Variants in TP53BP1 observed in about 807,000 individuals in gnomAD.
TP53BP1 encodes TP53-binding protein 1.
Under a neutral mutation model 200.8 loss-of-function variants are expected in TP53BP1, and 61 were observed. That is an observed-to-expected ratio of 0.30 (90% CI 0.25 to 0.38). The LOEUF (loss-of-function observed/expected upper bound fraction) is 0.38, where lower values mean the gene tolerates loss of function less well. Among genes scored for constraint, TP53BP1 ranks in the 10% least tolerant of loss-of-function variants. The pLI, the probability that TP53BP1 is intolerant of heterozygous loss-of-function variation, is 1.00. For synonymous variants in TP53BP1, 822 were observed against 844.3 expected (o/e 0.97, Z 0.46); for missense variants, 2,144 against 2,371.9 (o/e 0.90, Z 2.00).
At chr15:43,419,563 T>G (rs1595530019) in intron 21 of TP53BP1, among the ~76,000 whole-genome samples, 2 of 108,720 alleles carry the variant, frequency 1.8e-5, no homozygotes, top group Non-Finnish European at 3.6e-5. Flanking sequence ...TTTTTTTTTT[T>G]TGAGAGACAG....
At chr15:43,439,142 T>C (rs2045870798) in intron 15 of TP53BP1, among the ~76,000 whole-genome samples, 1 of 152,182 alleles carries the variant, frequency 6.6e-6, no homozygotes, top group Non-Finnish European at 1.5e-5. Flanking sequence ...TATACTACTC[T>C]CTCTACTTTC....
intron 3 of TP53BP1, 123 bp downstream of exon 3, chr15:43,491,879 C>T (rs947819406): frequency 2.3e-5 from 24 of 1,061,334 alleles, no homozygotes; most frequent in South Asian, 1.6e-4. Context: ...GTGACTACTA[C>T]GCAGATACCA....
In TP53BP1 at chr15:43,405,548, A is replaced by T. The variant is rs1360323249; in HGVS notation, c.*1835T>A. ...TTCAAGCTGTGGGAGATACAGCGGTAAACAAACAATATAGAGCAGAAAGTT... is the reference window on the plus strand; with the variant it reads ...TTCAAGCTGTGGGAGATACAGCGGTTAACAAACAATATAGAGCAGAAAGTT... On this transcript the variant is annotated 3_prime_UTR_variant, in exon 28 of 28. Coordinates refer to ENST00000382044, the MANE Select transcript of TP53BP1 (RefSeq NM_001141980.3). The T allele has an allele frequency of 1.3e-5, 4 of 314,636 alleles. No individual in the cohort carries two copies. The highest frequency in any genetic ancestry group is 5.9e-6 in the Non-Finnish European group (1 of 170,574). 19.5% of individuals were successfully genotyped at this position (314,636 alleles called of 1,614,324 possible).
rs1350486449 is a variant in TP53BP1 at position 43,407,309 on chromosome 15, A to AAGAC, written c.*70_*73dup. ...CCATGCAAGGAATCCAGTTACACAC[A>AAGAC]AGACACATTTAAAACCTGGTTAAAA... is the stretch of plus-strand genomic sequence containing the variant. On this transcript the variant is annotated 3_prime_UTR_variant, in exon 28 of 28. Coordinates refer to ENST00000382044, the MANE Select transcript of TP53BP1 (RefSeq NM_001141980.3). 10 of 1,326,724 alleles carry AAGAC rather than the reference A, an allele frequency of 7.5e-6. No homozygotes were observed. Among genetic ancestry groups the AAGAC allele is most frequent in the Middle Eastern group, 1.9e-4 (1 of 5,386 alleles). The allele number at this position is 1,326,724 out of a possible 1,614,324, so 82.2% of individuals were successfully genotyped here.
chr15:43,422,235 G>A, intron 18 of TP53BP1, 109 bp from the exon 19 acceptor site: 1 of 1,235,380 alleles, frequency 8.1e-7, no homozygotes. Flanking sequence ...TCAAAAAGGT[G>A]AGAATCAGGA....
intron 27 of TP53BP1, 79 bp downstream of exon 27, chr15:43,407,864 C>A: frequency 7.0e-7 from 1 of 1,419,998 alleles, no homozygotes; most frequent in Non-Finnish European, 9.5e-7. Context: ...TAGGCCTGAG[C>A]CTTGGACCAC....
At chr15:43,473,253 C>T (rs1367075820) in intron 10 of TP53BP1, among the ~76,000 whole-genome samples, 1 of 152,080 alleles carries the variant, frequency 6.6e-6, no homozygotes, top group East Asian at 1.9e-4. Context: ...GAAGGGGACC[C>T]GAGCGGGTTG....
chr15:43,415,195 T>C (rs1487928850), intron 23 of TP53BP1: 1 of 305,664 alleles, frequency 3.3e-6, no homozygotes, highest in African/African-American at 2.2e-5. Flanking sequence ...GATCAAGTCC[T>C]GGCCTTCTTT....
intron 11 of TP53BP1, among the ~76,000 whole-genome samples, chr15:43,464,816 G>A (rs2046529401): frequency 1.3e-5 from 2 of 152,070 alleles, no homozygotes; most frequent in Non-Finnish European, 2.9e-5. Flanking sequence ...GCTAAGGCAG[G>A]AGAATCGCTT....
chr15:43,475,990 C>T (rs1384818886), intron 8 of TP53BP1, among the ~76,000 whole-genome samples: 3 of 152,136 alleles, frequency 2.0e-5, no homozygotes, highest in South Asian at 2.1e-4. Context: ...CCTGGATGGG[C>T]GCAGTGGCTC....
intron 26 of TP53BP1, chr15:43,408,647 G>C: frequency 2.1e-6 from 1 of 481,618 alleles, no homozygotes; most frequent in South Asian, 2.6e-5. Context: ...TTAAAACTTA[G>C]TTCTCTGACT....
At chr15:43,481,944 C>A (rs2140128995) in intron 4 of TP53BP1, among the ~76,000 whole-genome samples, 1 of 151,240 alleles carries the variant, frequency 6.6e-6, no homozygotes, top group African/African-American at 2.4e-5. Context: ...TAAGTTAACA[C>A]CGACCAGGCA....
Position 43,406,449 on chromosome 15 carries a change from C to CTGT in TP53BP1, c.*931_*933dup, listed in dbSNP as rs1384277430. On this transcript the variant is annotated 3_prime_UTR_variant, in exon 28 of 28. Coordinates refer to ENST00000382044, the MANE Select transcript of TP53BP1 (RefSeq NM_001141980.3). ...GAGCTGGCAAACTATGGCCTGCTGT[C>CTGT]TGTTTTTGTACAGTTTTACTGAAAC... is the stretch of plus-strand genomic sequence containing the variant. 1.7e-5 allele frequency: 6 copies of CTGT among 353,138 alleles called. No homozygotes were observed. The highest frequency in any genetic ancestry group is 3.4e-5 in the Non-Finnish European group (6 of 178,032). 21.9% of individuals were successfully genotyped at this position (353,138 alleles called of 1,614,324 possible).
At chr15:43,470,558 C>T (rs962714310) in intron 10 of TP53BP1, among the ~76,000 whole-genome samples, 1 of 152,042 alleles carries the variant, frequency 6.6e-6, no homozygotes, top group Non-Finnish European at 1.5e-5. Context: ...GAGATGGATG[C>T]CTGTACAAAT....
intron 1 of TP53BP1, 123 bp from the exon 2 acceptor site, chr15:43,492,591 A>G: frequency 2.9e-6 from 2 of 692,720 alleles, no homozygotes; most frequent in Non-Finnish European, 2.4e-6. Context: ...GGACTCCTCC[A>G]ATTAGAATAT....
chr15:43,456,546 T>C lies in TP53BP1; in HGVS notation c.2062A>G (p.Asn688Asp), dbSNP rs753789253. ...ESQGEELKEE[N>D]MESVPLHLSL... ...AGGTGCAACGGAACACTCTCCATAT[T>C]TTCTTCTTTGAGTTCCTCTCCTTGA... Residue 688 changes from asparagine to aspartate, a missense_variant, in exon 12 of 28, where the codon AAT becomes GAT. Physicochemically the swap from Asn to Asp is conservative, Grantham distance 23 (BLOSUM62 1). Transcript: ENST00000382044. 1 of 1,612,304 alleles carries C rather than the reference T, an allele frequency of 6.2e-7. No homozygotes were observed. The highest frequency in any genetic ancestry group is 2.2e-5 in the East Asian group (1 of 44,876).
At chr15:43,485,823 G>C (rs1465884810) in intron 4 of TP53BP1, among the ~76,000 whole-genome samples, 1 of 151,782 alleles carries the variant, frequency 6.6e-6, no homozygotes, top group African/African-American at 2.4e-5. Context: ...TCCAGCCTGG[G>C]CAACAAAGCA....
intron 7 of TP53BP1, among the ~76,000 whole-genome samples, chr15:43,478,597 T>C (rs2078916729): frequency 6.6e-6 from 1 of 152,154 alleles, no homozygotes; most frequent in Non-Finnish European, 1.5e-5. Flanking sequence ...GCTTTGGTTA[T>C]AAAAATCACG....
At position 43,432,361 on chromosome 15, in the gene TP53BP1, C is replaced by T. The variant is rs748353199; in HGVS notation, c.3508G>A (p.Glu1170Lys). The change falls in exon 17 of 28, where the codon GAA becomes AAA. Residue 1170 changes from glutamate (E) to lysine (K), a missense_variant. Physicochemically the swap from Glu to Lys is moderately conservative, Grantham distance 56. This residue lies in a region of TP53BP1 where 1,700 missense variants were observed against 1,710.3 expected (regional missense o/e 0.99). Coordinates refer to ENST00000382044, the MANE Select transcript of TP53BP1 (RefSeq NM_001141980.3). ...QTMECSLRVP[E>K]TVSAATQTIK... Reference sequence around the variant, plus strand: ...GTCTGGGTTGCTGCTGAAACAGTTTCTGGGACCCTCAAGGAACACTCCATG... The same window carrying T: ...GTCTGGGTTGCTGCTGAAACAGTTTTTGGGACCCTCAAGGAACACTCCATG... The T allele has an allele frequency of 4.3e-6, 7 of 1,614,084 alleles. No homozygotes were observed. In the African/African-American group the frequency reaches 9.3e-5, roughly 22 times the overall value.
Sources: allele counts gnomAD v4.1 joint callset (sites outside exome capture counted in the v4.1 genomes callset), GRCh38; gene constraint gnomAD v4.1.1; regional missense constraint gnomAD v4.1.1; transcripts MANE v1.5; gene names NCBI Gene and HGNC (gene_info 2026-07-23, HGNC 2026-07-21).